The following GRID2 variants were observed in gnomAD, a reference collection of about 807,000 sequenced individuals.
GRID2 encodes the protein glutamate ionotropic receptor delta type subunit 2.
In GRID2, 33 loss-of-function variants were observed where a neutral mutation model predicts 114.8. The observed-to-expected ratio is 0.29, with a 90% CI of 0.22 to 0.38. GRID2 has a LOEUF of 0.38. GRID2 is among the 10% of genes least tolerant of loss of function. The probability of loss-of-function intolerance (pLI) is 1.00; values close to 1 mark genes in which losing one functional copy is unlikely to be tolerated. For synonymous variants in GRID2, 505 were observed against 449.9 expected, an observed-to-expected ratio of 1.12 and a Z score of -1.55; for missense variants, 1,184 against 1,257.7, an observed-to-expected ratio of 0.94 and a Z score of 0.89.
chr4:93,021,139 T>C (rs948312620), intron 2 of GRID2, among the ~76,000 whole-genome samples: 2 of 151,950 alleles, frequency 1.3e-5, no homozygotes, highest in Non-Finnish European at 2.9e-5. Flanking sequence ...CAGTTATTTT[T>C]CCAGGTTTAT....
At chr4:93,075,074 G>GA (rs2149309716) in intron 2 of GRID2, among the ~76,000 whole-genome samples, 1 of 152,178 alleles carries the variant, frequency 6.6e-6, no homozygotes, top group Non-Finnish European at 1.5e-5. Flanking sequence ...AACTCTTCCA[G>GA]AAAATTCAAA....
At chr4:92,537,831 C>G (rs1484201152) in intron 1 of GRID2, among the ~76,000 whole-genome samples, 2 of 106,836 alleles carry the variant, frequency 1.9e-5, no homozygotes, top group African/African-American at 3.4e-5. Context: ...GTGTGTGTGT[C>G]TAATTTGAGC....
intron 14 of GRID2, among the ~76,000 whole-genome samples, chr4:93,685,635 T>A (rs989228095): frequency 2.0e-5 from 3 of 152,066 alleles, no homozygotes; most frequent in Non-Finnish European, 4.4e-5. Flanking sequence ...CAGTCCAAAC[T>A]CTGCCTGGAT....
At chr4:93,036,017 A>G (rs1412295352) in intron 2 of GRID2, among the ~76,000 whole-genome samples, 3 of 152,070 alleles carry the variant, frequency 2.0e-5, no homozygotes, top group Non-Finnish European at 2.9e-5. Context: ...TTAAAAGTTG[A>G]TTCTTTGCCT....
intron 13 of GRID2, among the ~76,000 whole-genome samples, chr4:93,534,670 A>G (rs1307098402): frequency 6.6e-6 from 1 of 152,176 alleles, no homozygotes. Flanking sequence ...ATTGATAAAA[A>G]GCAAATGCCT....
At chr4:93,227,164 G>A (rs565882075) in intron 7 of GRID2, among the ~76,000 whole-genome samples, 5 of 152,098 alleles carry the variant, frequency 3.3e-5, no homozygotes, top group African/African-American at 4.8e-5. Flanking sequence ...ATAGCACATC[G>A]CTCCTTTGTA....
rs1411755325 is a variant in GRID2, at chr4:93,504,252, T to G, written c.1998-10964T>G. 3.3e-5 allele frequency among the ~76,000 whole-genome samples: 5 copies of G among 152,112 alleles called. No homozygotes were observed. The East Asian group carries it at 9.6e-4, about 29-fold the overall frequency. ...ATTTCATTTGGGTCATTGTTTCATGTAGTATTATTATGTATTATTGTTTCA... is the reference window on the plus strand; with the variant it reads ...ATTTCATTTGGGTCATTGTTTCATGGAGTATTATTATGTATTATTGTTTCA... On this transcript the variant is annotated intron_variant, in intron 12 of 15. Transcript: ENST00000282020.
At chr4:92,865,810 T>G (rs1422293286) in intron 2 of GRID2, among the ~76,000 whole-genome samples, 1 of 152,240 alleles carries the variant, frequency 6.6e-6, no homozygotes, top group Non-Finnish European at 1.5e-5. Context: ...ACAGTTTGAT[T>G]ATCAAGAAAC....
intron 9 of GRID2, among the ~76,000 whole-genome samples, chr4:93,420,320 T>C (rs1024078356): frequency 2.0e-5 from 3 of 152,216 alleles, no homozygotes; most frequent in Non-Finnish European, 2.9e-5. Context: ...TATTTTGGAA[T>C]TCCTTTAATC....
intron 10 of GRID2, among the ~76,000 whole-genome samples, chr4:93,441,829 C>T (rs1330255164): frequency 6.7e-6 from 1 of 150,150 alleles, no homozygotes; most frequent in Non-Finnish European, 1.5e-5. Context: ...TAATGGCAGG[C>T]TTTAAAATAA....
intron 2 of GRID2, among the ~76,000 whole-genome samples, chr4:92,701,292 G>A (rs1282752653): frequency 6.6e-6 from 1 of 151,982 alleles, no homozygotes; most frequent in Admixed American, 6.6e-5. Flanking sequence ...ACTAACCCTT[G>A]GTATGATTAT....
chr4:92,952,949 T>C (rs1560738982), intron 2 of GRID2, among the ~76,000 whole-genome samples: 1 of 152,184 alleles, frequency 6.6e-6, no homozygotes, highest in East Asian at 1.9e-4. Flanking sequence ...AGAGAAATCT[T>C]TGCCACTTCC....
intron 1 of GRID2, among the ~76,000 whole-genome samples, chr4:93,799,277 C>T (rs1734870152): frequency 1.3e-5 from 2 of 152,162 alleles, no homozygotes; most frequent in Non-Finnish European, 2.9e-5. Context: ...GCAGTCAACA[C>T]ATCTTTACTG....
At chr4:92,870,900 G>C (rs572182232) in intron 2 of GRID2, among the ~76,000 whole-genome samples, 12 of 152,264 alleles carry the variant, frequency 7.9e-5, no homozygotes, top group Admixed American at 7.2e-4. Flanking sequence ...AAAATCATAT[G>C]AATAACTTGT....
At chr4:93,143,819 G>A (rs1215191418) in intron 4 of GRID2, among the ~76,000 whole-genome samples, 1 of 152,072 alleles carries the variant, frequency 6.6e-6, no homozygotes, top group Non-Finnish European at 1.5e-5. Flanking sequence ...TATCTGTGAG[G>A]GGAGCAAAAT....
At chr4:93,074,633 T>C (rs894773692) in intron 2 of GRID2, among the ~76,000 whole-genome samples, 2 of 151,976 alleles carry the variant, frequency 1.3e-5, no homozygotes, top group Non-Finnish European at 2.9e-5. Context: ...ATAAAGGAAA[T>C]TGTGAAGATC....
intron 14 of GRID2, among the ~76,000 whole-genome samples, chr4:93,682,621 G>A (rs1434246274): frequency 6.6e-6 from 1 of 152,134 alleles, no homozygotes; most frequent in Non-Finnish European, 1.5e-5. Context: ...ATGAGTTCAT[G>A]TCCTTTGTAG....
At chr4:93,804,249 G>A (rs1734989857) in intron 1 of GRID2, among the ~76,000 whole-genome samples, 1 of 152,186 alleles carries the variant, frequency 6.6e-6, no homozygotes, top group South Asian at 2.1e-4. Context: ...AACTCTAATA[G>A]TAGTCATGTG....
intron 2 of GRID2, among the ~76,000 whole-genome samples, chr4:93,024,148 T>C (rs1352547817): frequency 5.3e-5 from 8 of 151,828 alleles, no homozygotes; most frequent in Non-Finnish European, 1.0e-4. Flanking sequence ...TTTATTTTTG[T>C]AAATGTCATA....
Sources: allele counts gnomAD v4.1 joint callset (sites outside exome capture counted in the v4.1 genomes callset), GRCh38; gene constraint gnomAD v4.1.1; transcripts MANE v1.5; gene names NCBI Gene and HGNC (gene_info 2026-07-23, HGNC 2026-07-21).